The following MYO9A variants were observed in gnomAD, a reference collection of about 807,000 sequenced individuals.
MYO9A encodes the protein unconventional myosin-IXa.
In MYO9A, 103 loss-of-function variants were observed where a neutral mutation model predicts 293.3. That is an observed-to-expected ratio of 0.35 (90% CI 0.30 to 0.41). The LOEUF (loss-of-function observed/expected upper bound fraction) is 0.41. MYO9A is among the 10% of genes least tolerant of loss of function. The pLI, the probability that MYO9A is intolerant of heterozygous loss-of-function variation, is 1.00. For missense variants in MYO9A, 2,685 were observed against 3,033.0 expected, an observed-to-expected ratio of 0.89 and a Z score of 2.69; for synonymous variants, 1,001 against 1,035.7, an observed-to-expected ratio of 0.97 and a Z score of 0.64.
At chr15:71,931,144 G>C (rs1361741592) in intron 18 of MYO9A, among the ~76,000 whole-genome samples, 1 of 152,172 alleles carries the variant, frequency 6.6e-6, no homozygotes, top group East Asian at 1.9e-4. Context: ...GAATTAGACA[G>C]TGTACTTACT....
chr15:72,022,747 C>T (rs766183649), intron 4 of MYO9A, among the ~76,000 whole-genome samples: 1 of 151,848 alleles, frequency 6.6e-6, no homozygotes, highest in Non-Finnish European at 1.5e-5. Context: ...AGAGTCTCCC[C>T]GTGTTGCCCA....
intron 2 of MYO9A, among the ~76,000 whole-genome samples, chr15:72,040,585 G>A (rs757434705): frequency 6.6e-6 from 1 of 152,180 alleles, no homozygotes; most frequent in African/African-American, 2.4e-5. Context: ...CTGGTCGTGT[G>A]ACAAGAACCC....
intron 1 of MYO9A, among the ~76,000 whole-genome samples, chr15:72,095,608 A>AAACGGCCTT (rs2080038825): frequency 1.1e-5 from 1 of 93,236 alleles, no homozygotes; most frequent in African/African-American, 2.5e-5. Context: ...TAATGTGACA[A>AAACGGCCTT]AACGGCCTTG....
intron 39 of MYO9A, among the ~76,000 whole-genome samples, chr15:71,843,902 C>T (rs16956302): frequency 0.2 from 29,692 of 152,150 alleles, 3,107 homozygotes; most frequent in East Asian, 0.39. Flanking sequence ...CCAAAATTTA[C>T]ATTAAGTACT....
intron 32 of MYO9A, among the ~76,000 whole-genome samples, chr15:71,863,713 C>T (rs1467807843): frequency 1.3e-5 from 2 of 152,056 alleles, no homozygotes; most frequent in African/African-American, 4.8e-5. Flanking sequence ...AATTTTGTTA[C>T]ATGCATAGGT....
chr15:72,055,377 A>T (rs1191153093), intron 1 of MYO9A, among the ~76,000 whole-genome samples: 1 of 152,262 alleles, frequency 6.6e-6, no homozygotes, highest in African/African-American at 2.4e-5. Flanking sequence ...AAATTCTACA[A>T]GATAATGTCA....
intron 19 of MYO9A, among the ~76,000 whole-genome samples, chr15:71,910,835 A>G (rs2057824230): frequency 6.6e-6 from 1 of 152,106 alleles, no homozygotes; most frequent in Admixed American, 6.6e-5. Flanking sequence ...TAAAACACTG[A>G]TTTTTAGTTC....
intron 11 of MYO9A, among the ~76,000 whole-genome samples, chr15:71,990,618 T>C (rs1241040965): frequency 6.6e-6 from 1 of 151,988 alleles, no homozygotes; most frequent in Non-Finnish European, 1.5e-5. Flanking sequence ...TAGCCGGGCA[T>C]GGTGGCGGGC....
At chr15:71,976,551 C>T (rs563760094) in intron 12 of MYO9A, among the ~76,000 whole-genome samples, 1 of 152,246 alleles carries the variant, frequency 6.6e-6, no homozygotes, top group South Asian at 2.1e-4. Context: ...CATTATCAAC[C>T]ACAACGGTTC....
In MYO9A at chr15:71,904,028, C is replaced by A; in HGVS notation, c.2778G>T (p.Arg926Ser). The A allele has an allele frequency of 6.2e-7, 1 of 1,613,464 alleles. No individual in the cohort carries two copies. The highest frequency in any genetic ancestry group is 8.5e-7 in the Non-Finnish European group (1 of 1,179,738). Residue 926 changes from arginine (R) to serine (S), a missense_variant, in exon 21 of 42, where the codon AGG becomes AGT. Coordinates refer to ENST00000356056, the MANE Select transcript of MYO9A (RefSeq NM_006901.4). Reference sequence around the variant, plus strand: ...GTCTAAGTACCAAGACATCACTGAACCTTAAGGGCAGCTAAAGCAAATGGA... The same window carrying A: ...GTCTAAGTACCAAGACATCACTGAAACTTAAGGGCAGCTAAAGCAAATGGA... ...IRSNAEKLPL[R>S]FSDVLVLRQL...
chr15:72,114,276 C>T (rs2080887162), intron 1 of MYO9A: 1 of 152,086 alleles, frequency 6.6e-6, no homozygotes, highest in Non-Finnish European at 1.5e-5. Flanking sequence ...CAACAGCAGT[C>T]AAGAGAATGA....
chr15:71,963,112 CT>C (rs1181257819), intron 13 of MYO9A, among the ~76,000 whole-genome samples: 3 of 152,112 alleles, frequency 2.0e-5, no homozygotes, highest in Non-Finnish European at 2.9e-5. Context: ...GAGACAGGGT[CT>C]TGTTCTGTTG....
In MYO9A at chr15:71,938,750, C is replaced by T. The variant is rs147643103; in HGVS notation, c.2378+102G>A. 3.6e-5 allele frequency: 35 copies of T among 977,448 alleles called. No homozygotes were observed. In the African/African-American group the frequency reaches 5.6e-4, roughly 16 times the overall value. 60.5% of individuals were successfully genotyped at this position (977,448 alleles called of 1,614,324 possible). A position where few individuals can be genotyped will look rare whatever the true frequency, so the allele number is the denominator to read the frequency against. ...GGATTCAAGAAATAAAAAAACAAAA[C>T]AAGCCTGAATTACTTCAAACTTTTA... is the stretch of plus-strand genomic sequence containing the variant. On this transcript the variant is annotated intron_variant, in intron 16 of 41. Coordinates refer to ENST00000356056, the MANE Select transcript of MYO9A (RefSeq NM_006901.4).
chr15:71,894,241 ATCTC>A (rs752043173), intron 25 of MYO9A, among the ~76,000 whole-genome samples: 44 of 152,244 alleles, frequency 2.9e-4, no homozygotes, highest in Non-Finnish European at 1.9e-4. Context: ...TCCTTCTGAA[ATCTC>A]TCTTTGTAGT....
At chr15:71,873,229 C>T (rs557368054) in intron 32 of MYO9A, among the ~76,000 whole-genome samples, 2 of 152,196 alleles carry the variant, frequency 1.3e-5, no homozygotes, top group Admixed American at 6.5e-5. Context: ...AGCCCTTGTA[C>T]TTTTTACTTA....
intron 3 of MYO9A, 76 bp downstream of exon 3, chr15:72,032,418 A>G (rs2077902259): frequency 3.2e-6 from 3 of 923,464 alleles, no homozygotes; most frequent in Non-Finnish European, 4.8e-6. Flanking sequence ...AATGAACAAT[A>G]CATAGTTTAT....
intron 1 of MYO9A, among the ~76,000 whole-genome samples, chr15:72,059,073 C>T (rs1439743634): frequency 6.6e-6 from 1 of 152,140 alleles, no homozygotes; most frequent in Non-Finnish European, 1.5e-5. Context: ...CAGGATGCAA[C>T]ATATATAGTC....
chr15:71,898,252 T>C lies in MYO9A; in HGVS notation c.4251A>G (p.Leu1417=), dbSNP rs750254276. 6.2e-7 allele frequency: 1 copy of C among 1,613,986 alleles called. No individual in the cohort carries two copies. Among genetic ancestry groups the C allele is most frequent in the African/African-American group, 1.3e-5 (1 of 74,918 alleles). The change falls in exon 25 of 42, where the codon CTA becomes CTG. Residue 1417 remains leucine (L), a synonymous_variant. Coordinates refer to ENST00000356056, the MANE Select transcript of MYO9A (RefSeq NM_006901.4). ...GTTGGGGGATATAAAAAAAAGTAGG[T>C]AGACTATTTGAAATGAAGGAGTCTT... The part of the protein sequence containing the change: ...QLKDSFISNS[L]PTFFYIPQQD...
In MYO9A at chr15:72,046,479, T is replaced by G; in HGVS notation, c.85A>C (p.Thr29Pro). The part of the protein sequence containing the change: ...RIYPGAISEG[T>P]IYCPIPARKN... ...CTGGCAGGAATCGGACAGTAGATTG[T>G]CCCTTCTGAAATAGCCCCAGGATAT... The change falls in exon 2 of 42, where the codon ACA (threonine) becomes CCA (proline). Residue 29 changes from threonine to proline, a missense_variant. Coordinates refer to ENST00000356056, the MANE Select transcript of MYO9A (RefSeq NM_006901.4). The G allele has an allele frequency of 6.2e-7, 1 of 1,614,194 alleles. No homozygotes were observed. The highest frequency in any genetic ancestry group is 8.5e-7 in the Non-Finnish European group (1 of 1,180,038).
Sources: gnomAD v4.1 joint callset for allele counts (sites outside exome capture counted in the v4.1 genomes callset) on GRCh38, gnomAD v4.1.1 for gene constraint, MANE v1.5 for transcripts, NCBI Gene and HGNC (gene_info 2026-07-23, HGNC 2026-07-21) for gene names.